STAT6: variants seen among roughly 807,000 people sequenced by gnomAD.
STAT6 encodes signal transducer and activator of transcription 6.
Under a neutral mutation model 106.3 loss-of-function variants are expected in STAT6, and 45 were observed. The observed-to-expected ratio is 0.42, with a 90% CI of 0.33 to 0.54. The LOEUF (loss-of-function observed/expected upper bound fraction) is 0.54, where lower values mean the gene tolerates loss of function less well. STAT6 is among the 20% of genes least tolerant of loss of function. The probability of loss-of-function intolerance (pLI) is 0.06; values close to 1 mark genes in which losing one functional copy is unlikely to be tolerated. For missense variants in STAT6, 797 were observed against 1,062.2 expected, an observed-to-expected ratio of 0.75 and a Z score of 3.47; for synonymous variants, 413 against 413.6, an observed-to-expected ratio of 1.00 and a Z score of 0.02.
intron 9 of STAT6, 119 bp from the exon 10 acceptor site, chr12:57,104,932 G>A (rs181123400): frequency 6.9e-6 from 9 of 1,298,272 alleles, no homozygotes; most frequent in African/African-American, 1.5e-5. Flanking sequence ...TCTCTGTTTG[G>A]GTTCTTAAGG....
chr12:57,096,450 G>C lies in STAT6; in HGVS notation c.*122C>G. On this transcript the variant is annotated 3_prime_UTR_variant, in exon 22 of 22. Transcript: ENST00000300134. Reference sequence around the variant, plus strand: ...TTAGTCTTTTCCTCCTGACCCAGGAGTAGGTGGGGATAGGAGGGCACCCTC... The same window carrying C: ...TTAGTCTTTTCCTCCTGACCCAGGACTAGGTGGGGATAGGAGGGCACCCTC... The C allele has an allele frequency of 1.1e-6, 1 of 885,726 alleles. No homozygotes were observed. Among genetic ancestry groups the C allele is most frequent in the Non-Finnish European group, 1.7e-6 (1 of 575,456 alleles). The allele number at this position is 885,726 out of a possible 1,614,324, so 54.9% of individuals were successfully genotyped here.
rs769232660 is a variant in STAT6 at position 57,106,539 on chromosome 12, C to T, written c.520G>A (p.Gly174Arg). ...AGCCCATTACTCACCTCACTTGGCC[C>T]AGTCCCATTAGCAGGAGTTTCTATC... ...SLIETPANGT[G>R]PSEALAMLLQ... Residue 174 changes from glycine (G) to arginine (R), a missense_variant, in exon 6 of 22, where the codon GGG (glycine) becomes AGG (arginine). This residue lies in a region of STAT6 where 336 missense variants were observed against 429.8 expected (regional missense o/e 0.78). Transcript: ENST00000300134. The T allele has an allele frequency of 5.0e-6, 8 of 1,614,078 alleles. No individual in the cohort carries two copies. Among genetic ancestry groups the T allele is most frequent in the Non-Finnish European group, 6.8e-6 (8 of 1,180,042 alleles).
Position 57,107,636 on chromosome 12 carries a change from C to T in STAT6, c.224G>A (p.Ser75Asn). 6.2e-7 allele frequency: 1 copy of T among 1,613,824 alleles called. No individual in the cohort carries two copies. The change falls in exon 3 of 22, where the codon AGC (serine) becomes AAC (asparagine). Residue 75 changes from serine to asparagine, a missense_variant. Physicochemically the swap from Ser to Asn is conservative, Grantham distance 46 (BLOSUM62 1). Transcript: ENST00000300134. ...GGTGCTGATGTGTTGCAAGATGGTGCTCCCCTCCCCCTGCTCTCCCACCGA... is the reference window on the plus strand; with the variant it reads ...GGTGCTGATGTGTTGCAAGATGGTGTTCCCCTCCCCCTGCTCTCCCACCGA... ...QASVGEQGEG[S>N]TILQHISTLE...
chr12:57,104,103 T>C (rs1407370585), intron 11 of STAT6: 1 of 250,478 alleles, frequency 4.0e-6, no homozygotes, highest in African/African-American at 2.2e-5. Flanking sequence ...GACAAACTAC[T>C]TAAACTCTCT....
intron 12 of STAT6, 85 bp downstream of exon 12, chr12:57,102,744 C>T: frequency 8.4e-6 from 10 of 1,190,374 alleles, no homozygotes; most frequent in Non-Finnish European, 1.1e-5. Context: ...TAAACATGCC[C>T]ACCACCCCAT....
chr12:57,100,698 AAG>A (rs373780228), intron 13 of STAT6: 2,479 of 32,660 alleles, frequency 0.076, 27 homozygotes, highest in African/African-American at 0.1. Context: ...GAAAGAAAGA[AAG>A]AGAAAGAAAG....
rs1227292896 is a variant in STAT6 at position 57,106,182 on chromosome 12, T to C, written c.680+9A>G. 6.2e-7 allele frequency: 1 copy of C among 1,613,828 alleles called. No homozygotes were observed. The highest frequency in any genetic ancestry group is 8.5e-7 in the Non-Finnish European group (1 of 1,179,970). ...CTTGCCCCCTCTTCCCCATCAGCCC[T>C]AGCCCAACCTCTCCTGGAGTGGGGC... On this transcript the variant is annotated intron_variant, in intron 7 of 21. Coordinates refer to ENST00000300134, the MANE Select transcript of STAT6 (RefSeq NM_003153.5).
At position 57,102,332 on chromosome 12, in the gene STAT6, C is replaced by T. The variant is rs2136589458; in HGVS notation, c.1470G>A (p.Glu490=). 2 of 1,614,136 alleles carry T rather than the reference C, an allele frequency of 1.2e-6. No homozygotes were observed. The highest frequency in any genetic ancestry group is 1.7e-6 in the Non-Finnish European group (2 of 1,180,024). The change falls in exon 13 of 22, where the codon GAG becomes GAA. Residue 490 remains glutamate (E), a synonymous_variant. Coordinates refer to ENST00000300134, the MANE Select transcript of STAT6 (RefSeq NM_003153.5). ...AGGACACAGAACGGTGCTGGAAGGC[C>T]TCCATACTGAGGCTGTTGTCATTGA... ...KIFNDNSLSM[E]AFQHRSVSWS...
chr12:57,107,457 T>C (rs1304677555), intron 3 of STAT6, 143 bp from the exon 4 acceptor site: 1 of 1,332,938 alleles, frequency 7.5e-7, no homozygotes, highest in Non-Finnish European at 1.0e-6. Flanking sequence ...TTGCATGCTT[T>C]TAAAATCTAA....
At chr12:57,105,634 T>C in intron 7 of STAT6, 35 bp from the exon 8 acceptor site, 1 of 1,607,820 alleles carries the variant, frequency 6.2e-7, no homozygotes, top group South Asian at 1.1e-5. Flanking sequence ...GGCACAGGAT[T>C]AAGGCTGCTT....
At chr12:57,102,520 AG>A (rs2033995168) in intron 12 of STAT6, 24 bp from the exon 13 acceptor site, 1 of 1,610,934 alleles carries the variant, frequency 6.2e-7, no homozygotes, top group African/African-American at 1.3e-5. Context: ...GGAAGAAGAG[AG>A]CACTGCAGGC....
intron 13 of STAT6, 111 bp from the exon 14 acceptor site, chr12:57,100,201 T>C: frequency 1.1e-6 from 1 of 908,738 alleles, no homozygotes; most frequent in Non-Finnish European, 1.8e-6. Context: ...GGGCTGAGGA[T>C]CAGACCGAAC....
chr12:57,102,466 C>T lies in STAT6; in HGVS notation c.1336G>A (p.Val446Met). 2.5e-6 allele frequency: 4 copies of T among 1,613,848 alleles called. No individual in the cohort carries two copies. Among genetic ancestry groups the T allele is most frequent in the East Asian group, 2.2e-5 (1 of 44,880 alleles). ...DRVPFVVAERVPWEKMCETLN... is the reference protein window; with the variant it reads ...DRVPFVVAERMPWEKMCETLN... Reference sequence around the variant, plus strand: ...GTTTCACACATCTTCTCCCAGGGCACCCGCTCAGCCACCACAAAGGGCACG... The same window carrying T: ...GTTTCACACATCTTCTCCCAGGGCATCCGCTCAGCCACCACAAAGGGCACG... Residue 446 changes from valine (V) to methionine (M), a missense_variant, in exon 13 of 22, where the codon GTG (valine) becomes ATG (methionine). Val to Met is a conservative substitution (Grantham distance 21). Transcript: ENST00000300134.
chr12:57,102,334 C>G lies in STAT6; in HGVS notation c.1468G>C (p.Glu490Gln). 1 of 1,614,102 alleles carries G rather than the reference C, an allele frequency of 6.2e-7. No homozygotes were observed. Among genetic ancestry groups the G allele is most frequent in the South Asian group, 1.1e-5 (1 of 91,082 alleles). Residue 490 changes from glutamate to glutamine, a missense_variant, in exon 13 of 22, where the codon GAG becomes CAG. Around this residue, in one of 4 missense-constraint regions of STAT6, gnomAD observed 222 missense variants for 354.6 expected, o/e 0.63. Transcript: ENST00000300134. Reference protein sequence around the residue: ...KIFNDNSLSMEAFQHRSVSWS... With the variant: ...KIFNDNSLSMQAFQHRSVSWS... ...GACACAGAACGGTGCTGGAAGGCCT[C>G]CATACTGAGGCTGTTGTCATTGAAG...
chr12:57,107,190 C>T (rs929565525), intron 4 of STAT6, 41 bp downstream of exon 4: 2 of 1,587,852 alleles, frequency 1.3e-6, no homozygotes, highest in Non-Finnish European at 1.7e-6. Context: ...GCCAAAGTCT[C>T]AGGGGATTGA....
chr12:57,100,096 G>A lies in STAT6; in HGVS notation c.1513-6C>T, dbSNP rs199784284. The A allele has an allele frequency of 6.4e-5, 102 of 1,587,384 alleles. No homozygotes were observed. Among genetic ancestry groups the A allele is most frequent in the Non-Finnish European group, 8.3e-5 (97 of 1,167,004 alleles). ...CCACGGCCCAGCAGGATCTCCTAGG[G>A]GGAGAGGGGGAAAGGTGTGAGCCGA... is the stretch of plus-strand genomic sequence containing the variant. On this transcript the variant is annotated splice_polypyrimidine_tract_variant and splice_region_variant and intron_variant, in intron 13 of 21. Transcript: ENST00000300134.
intron 13 of STAT6, among the ~76,000 whole-genome samples, chr12:57,100,686 AAG>A (rs376266191): frequency 1.8e-5 from 1 of 56,028 alleles, no homozygotes; most frequent in African/African-American, 7.4e-5. Flanking sequence ...GAAAGAAAGA[AAG>A]AAAGAAAGAA....
rs951513424 is a variant in STAT6 at position 57,111,357 on chromosome 12, T to A, written c.-250A>T. On this transcript the variant is annotated 5_prime_UTR_variant, in exon 1 of 22. Coordinates refer to ENST00000300134, the MANE Select transcript of STAT6 (RefSeq NM_003153.5). Reference sequence around the variant, plus strand: ...CTCCCTCTTCAGTGTAAGCAGTGGCTGCCCCAGCCCGCTGTTTCCGGCTTC... The same window carrying A: ...CTCCCTCTTCAGTGTAAGCAGTGGCAGCCCCAGCCCGCTGTTTCCGGCTTC... 1.3e-5 allele frequency: 2 copies of A among 152,486 alleles called. No homozygotes were observed. Among genetic ancestry groups the A allele is most frequent in the African/African-American group, 4.8e-5 (2 of 41,350 alleles). The allele number at this position is 152,486 out of a possible 1,614,324, so 9.4% of individuals were successfully genotyped here. A position where few individuals can be genotyped will look rare whatever the true frequency, so the allele number is the denominator to read the frequency against.
In STAT6 at chr12:57,102,365, C is replaced by T; in HGVS notation, c.1437G>A (p.Gln479=). The change falls in exon 13 of 22, where the codon CAG becomes CAA. Residue 479 remains glutamine (Q), a synonymous_variant. Coordinates refer to ENST00000300134, the MANE Select transcript of STAT6 (RefSeq NM_003153.5). ...TGAGGCTGTTGTCATTGAAGATCTT[C>T]TGGGCCAGGAAGAGGAAGTGCTCTG... The part of the protein sequence containing the change: ...LLPEHFLFLA[Q]KIFNDNSLSM... 4 of 1,614,190 alleles carry T rather than the reference C, an allele frequency of 2.5e-6. No homozygotes were observed. The highest frequency in any genetic ancestry group is 3.4e-6 in the Non-Finnish European group (4 of 1,180,028).
Sources: gnomAD v4.1 joint callset for allele counts (sites outside exome capture counted in the v4.1 genomes callset) on GRCh38, gnomAD v4.1.1 for gene constraint, gnomAD v4.1.1 regional missense constraint, MANE v1.5 for transcripts, NCBI Gene and HGNC (gene_info 2026-07-23, HGNC 2026-07-21) for gene names.